The following MED27 variants were observed in gnomAD, a reference collection of about 807,000 sequenced individuals.
MED27 encodes mediator of RNA polymerase II transcription subunit 27.
MED27 carries 30 observed loss-of-function variants against 38.2 expected under a neutral mutation model. The observed-to-expected ratio is 0.79, with a 90% CI of 0.59 to 1.07. MED27 has a LOEUF of 1.07. MED27 is among the 50% of genes least tolerant of loss of function. The pLI is 0.00. For missense variants in MED27, 289 were observed against 397.5 expected (o/e 0.73, Z 2.32); for synonymous variants, 122 against 153.5 (o/e 0.79, Z 1.52).
At chr9:131,999,064 T>C (rs1019363732) in intron 3 of MED27, among the ~76,000 whole-genome samples, 1 of 152,164 alleles carries the variant, frequency 6.6e-6, no homozygotes, top group Non-Finnish European at 1.5e-5. Flanking sequence ...AAGGAAACCT[T>C]TGGAACACTG....
intron 4 of MED27, among the ~76,000 whole-genome samples, chr9:131,908,060 G>C (rs945615852): frequency 6.9e-4 from 105 of 151,772 alleles, no homozygotes; most frequent in East Asian, 2.0e-4. Context: ...CTCTCCGCCC[G>C]GCAGCCACCC....
chr9:132,016,738 C>T (rs4266768), intron 2 of MED27, among the ~76,000 whole-genome samples: 86,471 of 151,996 alleles, frequency 0.57, 26,597 homozygotes, highest in Non-Finnish European at 0.68. Flanking sequence ...TCCATGCAAG[C>T]TCAGCCATTC....
intron 2 of MED27, among the ~76,000 whole-genome samples, chr9:132,049,685 A>G (rs1220766800): frequency 1.3e-5 from 2 of 152,196 alleles, no homozygotes; most frequent in Admixed American, 6.5e-5. Context: ...CCTTCCAACC[A>G]GAAAGGGCTG....
chr9:131,953,910 C>T (rs967075923), intron 3 of MED27, among the ~76,000 whole-genome samples: 6 of 151,632 alleles, frequency 4.0e-5, no homozygotes, highest in South Asian at 2.1e-4. Context: ...CTCTGCCTCC[C>T]GGGTTCAAGT....
At chr9:131,877,058 G>A (rs1838947911) in intron 6 of MED27, among the ~76,000 whole-genome samples, 1 of 152,210 alleles carries the variant, frequency 6.6e-6, no homozygotes, top group East Asian at 1.9e-4. Context: ...GGCCTTCAAC[G>A]ACTCTGGGAG....
At chr9:131,953,979 G>A (rs559155192) in intron 3 of MED27, among the ~76,000 whole-genome samples, 17 of 152,044 alleles carry the variant, frequency 1.1e-4, no homozygotes, top group Middle Eastern at 3.4e-3. Context: ...CACCACACCC[G>A]GTTAATTTTT....
intron 4 of MED27, among the ~76,000 whole-genome samples, chr9:131,900,663 G>A (rs1355987350): frequency 2.0e-5 from 3 of 152,068 alleles, no homozygotes; most frequent in African/African-American, 7.2e-5. Context: ...CCCCAACCTG[G>A]CAGAAAGCAT....
intron 2 of MED27, among the ~76,000 whole-genome samples, chr9:132,019,810 G>C (rs990388248): frequency 1.3e-5 from 2 of 152,186 alleles, no homozygotes; most frequent in Non-Finnish European, 2.9e-5. Context: ...AGAACACAGC[G>C]ATCCCCCCTG....
Position 131,896,680 on chromosome 9 carries a change from T to C in MED27, c.574-2688A>G, listed in dbSNP as rs779868041. On this transcript the variant is annotated intron_variant, in intron 4 of 7. Coordinates refer to ENST00000292035, the MANE Select transcript of MED27 (RefSeq NM_004269.4). ...CAATCATTTTATTATCAAAGGCTTA[T>C]GGTTTTTGAATTTCTAACATCGTTA... 3.3e-5 allele frequency among the ~76,000 whole-genome samples: 5 copies of C among 152,140 alleles called. No homozygotes were observed. In the East Asian group the frequency reaches 5.8e-4, roughly 18 times the overall value.
At chr9:132,004,127 G>C (rs1192768076) in intron 3 of MED27, among the ~76,000 whole-genome samples, 1 of 152,202 alleles carries the variant, frequency 6.6e-6, no homozygotes, top group Admixed American at 6.5e-5. Flanking sequence ...GAGCGAATCA[G>C]TTCTCCTGTC....
chr9:131,965,707 G>C (rs572049827), intron 3 of MED27, among the ~76,000 whole-genome samples: 2 of 152,240 alleles, frequency 1.3e-5, no homozygotes, highest in African/African-American at 4.8e-5. Context: ...GTCGATTAAA[G>C]TCCTGGGATA....
In MED27 at chr9:132,068,161, G is replaced by A. The variant is rs150653291; in HGVS notation, c.348+9281C>T. On this transcript the variant is annotated intron_variant, in intron 2 of 7. Transcript: ENST00000292035. ...ACGGGCCTGTGCTGGGGCTGCTAAC[G>A]GTCAACAGGTCATGTACAGAGACTC... Among the ~76,000 whole-genome samples, 555 of 152,192 alleles carry A rather than the reference G, an allele frequency of 3.6e-3. 1 individual carries two copies. Among genetic ancestry groups the A allele is most frequent in the African/African-American group, 0.012 (502 of 41,522 alleles).
chr9:131,860,600 G>C lies in MED27; in HGVS notation c.874C>G (p.Leu292Val), dbSNP rs201495290. 1.2e-6 allele frequency: 2 copies of C among 1,607,406 alleles called. No homozygotes were observed. Among genetic ancestry groups the C allele is most frequent in the South Asian group, 2.2e-5 (2 of 89,802 alleles). The change falls in exon 8 of 8, where the codon CTT (leucine) becomes GTT (valine). Residue 292 changes from leucine to valine, a missense_variant. Transcript: ENST00000292035. The surrounding 1 kb of genome is among the most constrained non-coding windows in gnomAD (Gnocchi z 5.8). ...QRCGKFLQDGLPPTWRDFRTL... is the reference protein window; with the variant it reads ...QRCGKFLQDGVPPTWRDFRTL... ...CGGAAATCCCTCCATGTCGGGGGAA[G>C]GCCGTCCTGCAGAAACTTCCCGCAG...
At chr9:131,994,462 G>C (rs187450565) in intron 3 of MED27, among the ~76,000 whole-genome samples, 1 of 152,298 alleles carries the variant, frequency 6.6e-6, no homozygotes, top group East Asian at 1.9e-4. Context: ...TCTAAAGGAC[G>C]CAGGGGGCAG....
chr9:131,890,714 C>T (rs933670172), intron 5 of MED27, among the ~76,000 whole-genome samples: 2 of 152,156 alleles, frequency 1.3e-5, no homozygotes, highest in African/African-American at 2.4e-5. Context: ...GAGCCTGTGC[C>T]CTTGAGGAGC....
At chr9:131,907,581 C>T (rs1271604995) in intron 4 of MED27, among the ~76,000 whole-genome samples, 2 of 152,186 alleles carry the variant, frequency 1.3e-5, no homozygotes, top group African/African-American at 4.8e-5. Context: ...CCTCCACCTC[C>T]CAGCCGCCTG....
At chr9:131,961,939 T>C (rs1229255383) in intron 3 of MED27, among the ~76,000 whole-genome samples, 2 of 152,214 alleles carry the variant, frequency 1.3e-5, no homozygotes. Context: ...AGAATTATAA[T>C]GATAATCTCC....
intron 6 of MED27, among the ~76,000 whole-genome samples, chr9:131,870,657 T>C (rs1053687685): frequency 7.9e-5 from 12 of 152,060 alleles, no homozygotes; most frequent in Middle Eastern, 3.2e-3. Flanking sequence ...GGACAGGGGT[T>C]GTGGGGGGAT....
At chr9:131,956,481 TG>T (rs1831103203) in intron 3 of MED27, among the ~76,000 whole-genome samples, 1 of 152,062 alleles carries the variant, frequency 6.6e-6, no homozygotes, top group Non-Finnish European at 1.5e-5. Context: ...CCAAGCATGA[TG>T]GCAGGCGCCT....
Sources: gnomAD v4.1 joint callset for allele counts (sites outside exome capture counted in the v4.1 genomes callset) on GRCh38, gnomAD v4.1.1 for gene constraint, Gnocchi (gnomAD v3.1) non-coding constraint, MANE v1.5 for transcripts, NCBI Gene and HGNC (gene_info 2026-07-23, HGNC 2026-07-21) for gene names.